The following FTO variants were observed in gnomAD, a reference collection of about 807,000 sequenced individuals.
The protein encoded by FTO is FTO alpha-ketoglutarate dependent dioxygenase.
In FTO, 47 loss-of-function variants were observed where a neutral mutation model predicts 63.9. The observed-to-expected ratio is 0.74, with a 90% CI of 0.58 to 0.94. The LOEUF is 0.94. Ranked by LOEUF, FTO falls within the 40% of genes least tolerant of loss-of-function variation. The pLI, the probability that FTO is intolerant of heterozygous loss-of-function variation, is 0.00. For missense variants in FTO, 562 were observed against 618.1 expected (o/e 0.91, Z 0.96); for synonymous variants, 207 against 224.4 (o/e 0.92, Z 0.69).
At chr16:53,951,263 A>G (rs2082794092) in intron 8 of FTO, among the ~76,000 whole-genome samples, 1 of 152,204 alleles carries the variant, frequency 6.6e-6, no homozygotes, top group South Asian at 2.1e-4. Flanking sequence ...TCACATTACT[A>G]GGAACTTAGG....
chr16:53,740,336 T>A (rs1413684219), intron 1 of FTO, among the ~76,000 whole-genome samples: 2 of 152,234 alleles, frequency 1.3e-5, no homozygotes, highest in East Asian at 3.8e-4. Flanking sequence ...ACATCTGTTT[T>A]ATCGTACTAA....
At chr16:53,898,776 C>G (rs2081334956) in intron 7 of FTO, among the ~76,000 whole-genome samples, 1 of 152,116 alleles carries the variant, frequency 6.6e-6, no homozygotes, top group Non-Finnish European at 1.5e-5. Context: ...AACTCCTGGG[C>G]TCAAGTGATT....
chr16:53,833,551 TG>T, intron 3 of FTO, among the ~76,000 whole-genome samples: 1 of 152,228 alleles, frequency 6.6e-6, no homozygotes, highest in Non-Finnish European at 1.5e-5. Flanking sequence ...TCAGTACTTT[TG>T]TGTGTATACT....
chr16:53,974,921 C>T (rs1294168884), intron 8 of FTO, among the ~76,000 whole-genome samples: 3 of 152,200 alleles, frequency 2.0e-5, no homozygotes, highest in Admixed American at 6.5e-5. Context: ...TCCATTACAA[C>T]GTATGCAGAG....
intron 8 of FTO, among the ~76,000 whole-genome samples, chr16:54,083,939 A>G (rs568690235): frequency 6.6e-6 from 1 of 152,282 alleles, no homozygotes; most frequent in African/African-American, 2.4e-5. Flanking sequence ...TGTACAGGTT[A>G]AGCATCCCTA....
chr16:53,868,339 T>C (rs1452582502), intron 4 of FTO, among the ~76,000 whole-genome samples: 1 of 152,180 alleles, frequency 6.6e-6, no homozygotes, highest in Admixed American at 6.6e-5. Context: ...TTTCTTAGCA[T>C]ATCAATTACA....
intron 7 of FTO, chr16:53,911,427 G>A: frequency 1.4e-6 from 1 of 703,160 alleles, no homozygotes; most frequent in South Asian, 1.5e-5. Context: ...AACCCTGCAG[G>A]GAAGTTAAGA....
chr16:53,834,021 A>C (rs2079213314), intron 3 of FTO, among the ~76,000 whole-genome samples: 1 of 150,820 alleles, frequency 6.6e-6, no homozygotes, highest in Non-Finnish European at 1.5e-5. Flanking sequence ...GGATAGCTGA[A>C]CTTTTTTTTT....
intron 7 of FTO, among the ~76,000 whole-genome samples, chr16:53,925,740 A>G (rs993978696): frequency 1.1e-4 from 16 of 152,192 alleles, no homozygotes; most frequent in African/African-American, 3.6e-4. Flanking sequence ...CCCTACATGC[A>G]ACAAATTCTG....
chr16:53,818,411 G>A (rs2078759793), intron 2 of FTO, among the ~76,000 whole-genome samples: 1 of 152,006 alleles, frequency 6.6e-6, no homozygotes, highest in South Asian at 2.1e-4. Context: ...AAGTTCTCTT[G>A]AAGATTTTTG....
intron 1 of FTO, among the ~76,000 whole-genome samples, chr16:53,714,714 C>T (rs1424821131): frequency 6.6e-6 from 1 of 152,112 alleles, no homozygotes; most frequent in African/African-American, 2.4e-5. Flanking sequence ...TGGCTGGTAA[C>T]ACTATTAATG....
intron 6 of FTO, among the ~76,000 whole-genome samples, chr16:53,888,571 C>T (rs2081069318): frequency 6.6e-6 from 1 of 152,104 alleles, no homozygotes; most frequent in Non-Finnish European, 1.5e-5. Flanking sequence ...CCTCACGTCT[C>T]AGCCTGCCAA....
intron 1 of FTO, among the ~76,000 whole-genome samples, chr16:53,766,204 A>G (rs905155765): frequency 6.6e-6 from 1 of 152,136 alleles, no homozygotes; most frequent in Non-Finnish European, 1.5e-5. Flanking sequence ...TTTTAGCTTG[A>G]GTAACTAGAT....
intron 1 of FTO, among the ~76,000 whole-genome samples, 187 bp downstream of exon 1, chr16:53,704,416 C>T (rs1971854011): frequency 6.6e-6 from 1 of 152,154 alleles, no homozygotes; most frequent in Non-Finnish European, 1.5e-5. Context: ...GGATGCAGGC[C>T]GAGTCTTGTT....
intron 6 of FTO, among the ~76,000 whole-genome samples, chr16:53,881,345 G>A (rs2080828655): frequency 6.6e-6 from 1 of 152,080 alleles, no homozygotes; most frequent in Non-Finnish European, 1.5e-5. Context: ...CCTGTCTTTT[G>A]CTGTAGGTCA....
At chr16:53,759,770 A>G (rs571450483) in intron 1 of FTO, among the ~76,000 whole-genome samples, 4 of 151,884 alleles carry the variant, frequency 2.6e-5, no homozygotes. Flanking sequence ...ATGAGTTTCC[A>G]GATCAAAAGA....
At chr16:53,975,197 A>C (rs1335360759) in intron 8 of FTO, among the ~76,000 whole-genome samples, 1 of 151,550 alleles carries the variant, frequency 6.6e-6, no homozygotes, top group East Asian at 1.9e-4. Context: ...TTTGGTTTTA[A>C]ATATTGTAAG....
At chr16:54,104,245 A>C (rs1369782492) in intron 8 of FTO, among the ~76,000 whole-genome samples, 2 of 151,186 alleles carry the variant, frequency 1.3e-5, no homozygotes, top group Non-Finnish European at 2.9e-5. Context: ...TTTCCTGCTG[A>C]TCTGGCAGGT....
chr16:53,852,193 C>T (rs965392575), intron 4 of FTO, among the ~76,000 whole-genome samples: 2 of 150,264 alleles, frequency 1.3e-5, no homozygotes, highest in Non-Finnish European at 2.9e-5. Flanking sequence ...GGAGGATCAG[C>T]TGAGCTCGGG....
Sources: gnomAD v4.1 joint callset for allele counts (sites outside exome capture counted in the v4.1 genomes callset) on GRCh38, gnomAD v4.1.1 for gene constraint, MANE v1.5 for transcripts, NCBI Gene and HGNC (gene_info 2026-07-23, HGNC 2026-07-21) for gene names.